TRPC6: variants seen among roughly 807,000 people sequenced by gnomAD.
TRPC6 encodes the protein short transient receptor potential channel 6.
In TRPC6, 55 loss-of-function variants were observed where a neutral mutation model predicts 90.7. The observed-to-expected ratio is 0.61, with a 90% confidence interval of 0.49 to 0.76. The LOEUF (loss-of-function observed/expected upper bound fraction) is 0.76. Among genes scored for constraint, TRPC6 ranks in the 30% least tolerant of loss-of-function variants. The pLI is 0.00. For synonymous variants in TRPC6, 393 were observed against 393.0 expected (o/e 1.00, Z 0.00); for missense variants, 989 against 1,122.7 (o/e 0.88, Z 1.70).
At chr11:101,581,296 T>G (rs1257542136) in intron 1 of TRPC6, among the ~76,000 whole-genome samples, 1 of 152,174 alleles carries the variant, frequency 6.6e-6, no homozygotes, top group Non-Finnish European at 1.5e-5. Context: ...TAGTGAGAAC[T>G]TGTAGCTAAA....
intron 1 of TRPC6, among the ~76,000 whole-genome samples, chr11:101,554,661 C>T (rs1861522042): frequency 6.6e-6 from 1 of 152,024 alleles, no homozygotes; most frequent in South Asian, 2.1e-4. Context: ...ATATTTCTTT[C>T]CCTGCATCAC....
intron 4 of TRPC6, among the ~76,000 whole-genome samples, chr11:101,483,939 C>G (rs1016596817): frequency 7.9e-5 from 12 of 152,060 alleles, no homozygotes; most frequent in African/African-American, 2.7e-4. Flanking sequence ...AGATCTTCAC[C>G]TAGGCAGAGT....
intron 1 of TRPC6, among the ~76,000 whole-genome samples, chr11:101,506,394 C>T (rs1444282772): frequency 6.6e-6 from 1 of 152,148 alleles, no homozygotes; most frequent in Non-Finnish European, 1.5e-5. Context: ...AGTCTTGATT[C>T]CACATCTCCA....
At chr11:101,523,508 A>C (rs534153551) in intron 1 of TRPC6, among the ~76,000 whole-genome samples, 16 of 152,332 alleles carry the variant, frequency 1.1e-4, no homozygotes, top group African/African-American at 3.6e-4. Flanking sequence ...CTTTCTTATA[A>C]AACATTTTAA....
At chr11:101,561,693 AG>A (rs1238795083) in intron 1 of TRPC6, among the ~76,000 whole-genome samples, 1 of 152,072 alleles carries the variant, frequency 6.6e-6, no homozygotes, top group African/African-American at 2.4e-5. Flanking sequence ...CCAGTATCAG[AG>A]TTCCAGGGCT....
At chr11:101,549,646 G>A (rs12223895) in intron 1 of TRPC6, among the ~76,000 whole-genome samples, 36,585 of 149,266 alleles carry the variant, frequency 0.25, 4,740 homozygotes, top group East Asian at 0.41. Context: ...AAAACTGACA[G>A]AGAAAAAAGG....
intron 4 of TRPC6, among the ~76,000 whole-genome samples, chr11:101,485,278 GTT>G (rs11325078): frequency 4.8e-5 from 7 of 146,676 alleles, no homozygotes; most frequent in South Asian, 2.2e-4. Context: ...GAGTATTTTT[GTT>G]TTTTTTTTTA....
chr11:101,512,345 A>C (rs1860412979), intron 1 of TRPC6, among the ~76,000 whole-genome samples: 1 of 152,208 alleles, frequency 6.6e-6, no homozygotes, highest in Non-Finnish European at 1.5e-5. Context: ...TCTCAGGTGC[A>C]TGTAACAAAT....
At chr11:101,467,078 G>T (rs1485407244) in intron 10 of TRPC6, among the ~76,000 whole-genome samples, 1 of 152,146 alleles carries the variant, frequency 6.6e-6, no homozygotes, top group Non-Finnish European at 1.5e-5. Context: ...GGGTACCTCA[G>T]TTGGAAATGC....
chr11:101,484,475 TG>T (rs761249201), intron 4 of TRPC6, among the ~76,000 whole-genome samples: 32 of 152,148 alleles, frequency 2.1e-4, no homozygotes, highest in Non-Finnish European at 2.9e-5. Context: ...TTTGTCTATA[TG>T]GTTTTCAAAA....
At chr11:101,513,304 C>A (rs980953435) in intron 1 of TRPC6, among the ~76,000 whole-genome samples, 1 of 152,184 alleles carries the variant, frequency 6.6e-6, no homozygotes, top group Admixed American at 6.5e-5. Context: ...TGGTGCTATT[C>A]CACAGTCAGT....
intron 2 of TRPC6, among the ~76,000 whole-genome samples, chr11:101,496,667 G>A (rs576150641): frequency 8.5e-5 from 13 of 152,174 alleles, no homozygotes; most frequent in Non-Finnish European, 1.8e-4. Flanking sequence ...TCTTCCCTTT[G>A]CACAAGAATT....
intron 2 of TRPC6, among the ~76,000 whole-genome samples, 184 bp from the exon 3 acceptor site, chr11:101,491,922 G>A (rs931299877): frequency 1.2e-4 from 16 of 136,606 alleles, no homozygotes; most frequent in Non-Finnish European, 2.3e-4. Flanking sequence ...CTCACTGCAA[G>A]ATCCGCCTCC....
intron 9 of TRPC6, 23 bp downstream of exon 9, chr11:101,471,157 AATG>A (rs1565206617): frequency 3.1e-6 from 5 of 1,611,126 alleles, no homozygotes; most frequent in Middle Eastern, 1.7e-4. Flanking sequence ...TTAAGAATAC[AATG>A]ATAACTTATC....
intron 1 of TRPC6, among the ~76,000 whole-genome samples, chr11:101,549,780 T>C (rs1463195682): frequency 6.6e-6 from 1 of 151,368 alleles, no homozygotes; most frequent in African/African-American, 2.4e-5. Context: ...AGAACTATTA[T>C]GGCCCTAATA....
rs1858769699 is a variant in TRPC6, at chr11:101,451,814, C to T, written c.*1141G>A. ...TGGAAGTAGCAGTTCCAGTTAATGTCCAGCATCCTCTGAATGCCAATGGTC... is the reference window on the plus strand; with the variant it reads ...TGGAAGTAGCAGTTCCAGTTAATGTTCAGCATCCTCTGAATGCCAATGGTC... On this transcript the variant is annotated 3_prime_UTR_variant, in exon 13 of 13. Coordinates refer to ENST00000344327, the MANE Select transcript of TRPC6 (RefSeq NM_004621.6). 1 of 152,178 alleles carries T rather than the reference C, an allele frequency of 6.6e-6. No homozygotes were observed. The highest frequency in any genetic ancestry group is 6.5e-5 in the Admixed American group (1 of 15,276). 9.4% of individuals were successfully genotyped at this position (152,178 alleles called of 1,614,324 possible).
intron 1 of TRPC6, among the ~76,000 whole-genome samples, chr11:101,574,413 T>C (rs928227099): frequency 2.6e-5 from 4 of 151,362 alleles, no homozygotes; most frequent in African/African-American, 4.9e-5. Flanking sequence ...TCTTTTTGCT[T>C]ATTTCTTAAA....
intron 3 of TRPC6, chr11:101,491,351 CT>C: frequency 2.1e-6 from 1 of 482,114 alleles, no homozygotes; most frequent in Admixed American, 3.4e-5. Flanking sequence ...GGAGAATGGC[CT>C]GAACCCGGGA....
intron 10 of TRPC6, among the ~76,000 whole-genome samples, chr11:101,456,156 C>A (rs1410849375): frequency 6.6e-6 from 1 of 152,086 alleles, no homozygotes; most frequent in African/African-American, 2.4e-5. Context: ...CAAAGAGAGG[C>A]AGTTTAGGTT....
Sources: gnomAD v4.1 joint callset for allele counts (sites outside exome capture counted in the v4.1 genomes callset) on GRCh38, gnomAD v4.1.1 for gene constraint, MANE v1.5 for transcripts, NCBI Gene and HGNC (gene_info 2026-07-23, HGNC 2026-07-21) for gene names.